The following KLHL14 variants were observed in gnomAD, a reference collection of about 807,000 sequenced individuals.
KLHL14 encodes the protein kelch like family member 14.
A neutral mutation model predicts 64.3 loss-of-function variants in KLHL14; 22 were observed. The ratio of observed to expected loss-of-function variants is 0.34; its 90% CI spans 0.24 to 0.49. The LOEUF (loss-of-function observed/expected upper bound fraction) is 0.49. Ranked by LOEUF, KLHL14 falls within the 20% of genes least tolerant of loss-of-function variation. The pLI is 0.99. For missense variants in KLHL14, 661 were observed against 789.0 expected (o/e 0.84, Z 1.94); for synonymous variants, 322 against 333.4 (o/e 0.97, Z 0.37).
At chr18:32,702,549 T>A (rs1444455599) in intron 3 of KLHL14, among the ~76,000 whole-genome samples, 1 of 151,790 alleles carries the variant, frequency 6.6e-6, no homozygotes. Flanking sequence ...TAGGAAGGGC[T>A]TGATAGATAT....
chr18:32,745,776 TAATG>T (rs1391168685), intron 2 of KLHL14, among the ~76,000 whole-genome samples: 3 of 152,246 alleles, frequency 2.0e-5, no homozygotes, highest in Admixed American at 1.3e-4. Flanking sequence ...CGACAGTTAA[TAATG>T]AATGCATATT....
Position 32,683,916 on chromosome 18 carries a change from CT to C in KLHL14, c.1238+3238del, listed in dbSNP as rs1217237746. Among the ~76,000 whole-genome samples, 1 of 152,114 alleles carries C rather than the reference CT, an allele frequency of 6.6e-6. No individual in the cohort carries two copies. The highest frequency in any genetic ancestry group is 1.5e-5 in the Non-Finnish European group (1 of 68,012). ...TTGTTTCTTGTAACACAAAATATTACTAGAAAAACAAAATATTTAAAATTTG... is the reference window on the plus strand; with the variant it reads ...TTGTTTCTTGTAACACAAAATATTACAGAAAAACAAAATATTTAAAATTTG... On this transcript the variant is annotated intron_variant, in intron 5 of 8. Transcript: ENST00000359358. This position sits in a 1 kb window ranked among gnomAD's most constrained non-coding sequence, Gnocchi z 4.2.
Position 32,769,899 on chromosome 18 carries a change from G to A in KLHL14, c.693C>T (p.Pro231=), listed in dbSNP as rs147661052. The A allele has an allele frequency of 2.5e-6, 4 of 1,614,054 alleles. No individual in the cohort carries two copies. The highest frequency in any genetic ancestry group is 2.2e-5 in the South Asian group (2 of 91,080). The stretch of plus-strand genomic sequence containing the variant: ...GGAAGAGCGCCAGCTCCGACTCCAC[G>A]GGGGGCGGCAGCGAGTCCAGCAGGG... ...MRALLDSLPP[P]VESELALFQM... The change falls in exon 2 of 9, where the codon CCC becomes CCT. Residue 231 remains proline (P), a synonymous_variant. Transcript: ENST00000359358.
At chr18:32,735,276 A>G (rs561482335) in intron 3 of KLHL14, among the ~76,000 whole-genome samples, 6 of 152,218 alleles carry the variant, frequency 3.9e-5, no homozygotes, top group South Asian at 2.1e-4. Context: ...GCACAGTTAG[A>G]TGGAACTACA....
intron 3 of KLHL14, among the ~76,000 whole-genome samples, chr18:32,728,623 T>G (rs1357538): frequency 0.3 from 44,952 of 152,138 alleles, 6,907 homozygotes; most frequent in African/African-American, 0.37. Context: ...CATACTGGAT[T>G]AGGGTAGGCC....
chr18:32,695,861 G>C (rs1249660969), intron 3 of KLHL14, among the ~76,000 whole-genome samples: 2 of 152,164 alleles, frequency 1.3e-5, no homozygotes, highest in East Asian at 3.9e-4. Flanking sequence ...CCTGCCTGAT[G>C]ATGTGGATAG....
chr18:32,684,697 G>C (rs536344205), intron 5 of KLHL14, among the ~76,000 whole-genome samples: 1 of 111,992 alleles, frequency 8.9e-6, no homozygotes, highest in South Asian at 2.8e-4. Flanking sequence ...AGGGTAGGCG[G>C]GGAACTTCCG....
rs146526689 is a variant in KLHL14 at position 32,769,913 on chromosome 18, A to C, written c.679T>G (p.Ser227Ala). The stretch of plus-strand genomic sequence containing the variant: ...TCCGACTCCACGGGGGGCGGCAGCG[A>C]GTCCAGCAGGGCGCGCATCTCCTCG... The part of the protein sequence containing the change: ...NFEEMRALLD[S>A]LPPPVESELA... Residue 227 changes from serine (S) to alanine (A), a missense_variant, in exon 2 of 9, where the codon TCG becomes GCG. Ser to Ala is a moderately conservative substitution (Grantham distance 99). This residue lies in a region of KLHL14 where 331 missense variants were observed against 339.0 expected (regional missense o/e 0.98). Transcript: ENST00000359358. 1.7e-5 allele frequency: 27 copies of C among 1,614,108 alleles called. No homozygotes were observed. The South Asian group carries it at 2.1e-4, about 12-fold the overall frequency.
intron 3 of KLHL14, among the ~76,000 whole-genome samples, chr18:32,736,003 G>A (rs1194332220): frequency 2.0e-5 from 3 of 152,110 alleles, no homozygotes; most frequent in East Asian, 1.9e-4. Context: ...TAAACAGCCC[G>A]CATGACTCAT....
At chr18:32,751,262 C>G (rs916703947) in intron 2 of KLHL14, among the ~76,000 whole-genome samples, 3 of 152,204 alleles carry the variant, frequency 2.0e-5, no homozygotes, top group Non-Finnish European at 2.9e-5. Flanking sequence ...GCGAAGTAAA[C>G]TCCTTTGAGA....
intron 2 of KLHL14, among the ~76,000 whole-genome samples, chr18:32,764,335 C>T (rs897695926): frequency 2.0e-5 from 3 of 151,954 alleles, no homozygotes; most frequent in African/African-American, 7.3e-5. Flanking sequence ...ATTTAGCTTC[C>T]GAGGATCACT....
intron 3 of KLHL14, among the ~76,000 whole-genome samples, chr18:32,697,077 G>A (rs2049940493): frequency 6.6e-6 from 1 of 152,122 alleles, no homozygotes; most frequent in Non-Finnish European, 1.5e-5. Flanking sequence ...CCATGAATTA[G>A]GTCAATTGAC....
At chr18:32,682,557 AG>A (rs1555660216) in intron 5 of KLHL14, among the ~76,000 whole-genome samples, 1 of 152,174 alleles carries the variant, frequency 6.6e-6, no homozygotes, top group African/African-American at 2.4e-5. Context: ...TGATCATCAA[AG>A]GGATTTCTGA....
chr18:32,756,525 T>C (rs1348616089), intron 2 of KLHL14, among the ~76,000 whole-genome samples: 1 of 152,170 alleles, frequency 6.6e-6, no homozygotes, highest in African/African-American at 2.4e-5. Flanking sequence ...AGTTGGACTG[T>C]CAGTTTGATT....
At chr18:32,747,231 T>C (rs979131612) in intron 2 of KLHL14, among the ~76,000 whole-genome samples, 2 of 152,224 alleles carry the variant, frequency 1.3e-5, no homozygotes, top group Admixed American at 1.3e-4. Flanking sequence ...TCCGGTTTCA[T>C]GGAAGACAGT....
intron 3 of KLHL14, among the ~76,000 whole-genome samples, chr18:32,736,428 A>C (rs190522467): frequency 6.6e-6 from 1 of 152,160 alleles, no homozygotes; most frequent in Admixed American, 6.6e-5. Context: ...AAAGCCATGG[A>C]AACGATTGCT....
chr18:32,728,519 C>T (rs890489005), intron 3 of KLHL14, among the ~76,000 whole-genome samples: 2 of 152,040 alleles, frequency 1.3e-5, no homozygotes, highest in Non-Finnish European at 1.5e-5. Context: ...AATTGTGTCT[C>T]CATGAAAAGT....
rs756627046 is a variant in KLHL14, at chr18:32,770,290, T to TGCG, written c.299_301dup (p.Pro100dup). On this transcript the variant is annotated inframe_insertion, in exon 2 of 9. Coordinates refer to ENST00000359358, the MANE Select transcript of KLHL14 (RefSeq NM_020805.3). The surrounding 1 kb of genome is among the most constrained non-coding windows in gnomAD (Gnocchi z 6.7). ...GGAAGAAGGAGTCCCGGGCTCCTCC[T>TGCG]GCGGCGGCGGCTGCTGCTGCTGTGA... is the stretch of plus-strand genomic sequence containing the variant. 6.3e-6 allele frequency: 10 copies of TGCG among 1,587,972 alleles called. No individual in the cohort carries two copies. The highest frequency in any genetic ancestry group is 2.2e-5 in the East Asian group (1 of 44,644).
chr18:32,741,687 A>C (rs2050199026), intron 3 of KLHL14, among the ~76,000 whole-genome samples: 1 of 152,192 alleles, frequency 6.6e-6, no homozygotes, highest in South Asian at 2.1e-4. Context: ...ATTGCAGCAC[A>C]TACAGAAACG....
Sources: allele counts gnomAD v4.1 joint callset (sites outside exome capture counted in the v4.1 genomes callset), GRCh38; gene constraint gnomAD v4.1.1; regional missense constraint gnomAD v4.1.1; non-coding constraint Gnocchi (gnomAD v3.1); transcripts MANE v1.5; gene names NCBI Gene and HGNC (gene_info 2026-07-23, HGNC 2026-07-21).